TAF15: variants seen among roughly 807,000 people sequenced by gnomAD.
The protein encoded by TAF15 is TATA-binding protein-associated factor 2N.
TAF15 carries 37 observed loss-of-function variants against 102.5 expected under a neutral mutation model. The observed-to-expected ratio is 0.36, with a 90% CI of 0.28 to 0.47. TAF15 has a LOEUF of 0.47. Among genes scored for constraint, TAF15 ranks in the 20% least tolerant of loss-of-function variants. TAF15 has a pLI of 0.99. For missense variants in TAF15, 652 were observed against 760.7 expected (o/e 0.86, Z 1.68); for synonymous variants, 273 against 259.2 (o/e 1.05, Z -0.51).
At chr17:35,813,471 C>T (rs2143736060) in intron 1 of TAF15, among the ~76,000 whole-genome samples, 1 of 152,066 alleles carries the variant, frequency 6.6e-6, no homozygotes, top group East Asian at 1.9e-4. Context: ...CCCATCTCTA[C>T]AAAATACAAA....
chr17:35,844,844 T>C lies in TAF15; in HGVS notation c.1545T>C (p.Tyr515=), dbSNP rs544282921. The C allele has an allele frequency of 2.6e-5, 41 of 1,599,886 alleles. No individual in the cohort carries two copies. Among genetic ancestry groups the C allele is most frequent in the South Asian group, 1.1e-4 (10 of 90,526 alleles). The change falls in exon 15 of 16, where the codon TAT becomes TAC. Residue 515 remains tyrosine, a synonymous_variant. Transcript: ENST00000605844. ...GTTACGGAGGAGATCGAGGAGGTTA[T>C]GGAGGAGATCGAGGAGGCTATGGAG... ...RGGYGGDRGG[Y]GGDRGGYGGD...
At chr17:35,816,441 G>A (rs1016129384) in intron 1 of TAF15, among the ~76,000 whole-genome samples, 1 of 152,116 alleles carries the variant, frequency 6.6e-6, no homozygotes, top group Non-Finnish European at 1.5e-5. Context: ...GAGCTGTGAT[G>A]GCACCACTGC....
intron 7 of TAF15, among the ~76,000 whole-genome samples, chr17:35,832,635 G>A (rs1431365616): frequency 6.6e-6 from 1 of 152,054 alleles, no homozygotes; most frequent in African/African-American, 2.4e-5. Flanking sequence ...AGATTCTTGG[G>A]TTATAATAGA....
At chr17:35,826,002 T>G (rs531053608) in intron 7 of TAF15, among the ~76,000 whole-genome samples, 1 of 152,262 alleles carries the variant, frequency 6.6e-6, no homozygotes, top group East Asian at 1.9e-4. Flanking sequence ...TGACTCATCT[T>G]GTAACTAGAG....
rs560641478 is a variant in TAF15, at chr17:35,844,706, C to T, written c.1407C>T (p.Gly469=). The part of the protein sequence containing the change: ...RGGGYGGDRG[G]GYGGDRGGGY... Reference sequence around the variant, plus strand: ...GCGGCTATGGTGGGGACAGAGGAGGCGGCTATGGAGGAGACCGAGGAGGTG... The same window carrying T: ...GCGGCTATGGTGGGGACAGAGGAGGTGGCTATGGAGGAGACCGAGGAGGTG... Residue 469 remains glycine, a synonymous_variant, in exon 15 of 16, where the codon GGC becomes GGT. Transcript: ENST00000605844. 45 of 1,605,512 alleles carry T rather than the reference C, an allele frequency of 2.8e-5. No homozygotes were observed. Among genetic ancestry groups the T allele is most frequent in the Middle Eastern group, 1.8e-4 (1 of 5,672 alleles).
chr17:35,826,381 T>C lies in TAF15; in HGVS notation c.605+2183T>C, dbSNP rs573444854. Among the ~76,000 whole-genome samples, 5 of 152,238 alleles carry C rather than the reference T, an allele frequency of 3.3e-5. No homozygotes were observed. The South Asian group carries it at 1.0e-3, about 32-fold the overall frequency. Reference sequence around the variant, plus strand: ...TACTCTTTATATTGAGTTGGCAAGCTGTGTGAAAGGCCAGATAGTAAATGT... The same window carrying C: ...TACTCTTTATATTGAGTTGGCAAGCCGTGTGAAAGGCCAGATAGTAAATGT... On this transcript the variant is annotated intron_variant, in intron 7 of 15. Transcript: ENST00000605844.
Position 35,844,349 on chromosome 17 carries a change from C to A in TAF15, c.1158C>A (p.Asp386Glu). The A allele has an allele frequency of 6.2e-7, 1 of 1,614,234 alleles. No homozygotes were observed. The highest frequency in any genetic ancestry group is 8.5e-7 in the Non-Finnish European group (1 of 1,180,038). Residue 386 changes from aspartate (D) to glutamate (E), a missense_variant, in exon 14 of 16, where the codon GAC becomes GAA. Coordinates refer to ENST00000605844, the MANE Select transcript of TAF15 (RefSeq NM_139215.3). ...CNQCNEPRPEDSRPSGGDFRG... is the reference protein window; with the variant it reads ...CNQCNEPRPEESRPSGGDFRG... ...AGTGCAATGAGCCTAGACCAGAGGA[C>A]TCTCGTCCCTCAGGAGGAGGTGGGT...
chr17:35,838,571 A>G lies in TAF15; in HGVS notation c.913+18A>G. On this transcript the variant is annotated intron_variant, in intron 11 of 15. Transcript: ENST00000605844. ...GTTTGATGGTATGCCTCATTCGTAT[A>G]GTTTTCAGCATGAAGTTGGATAAAT... The G allele has an allele frequency of 6.2e-7, 1 of 1,613,410 alleles. No homozygotes were observed.
chr17:35,840,363 TGCCTCA>T (rs1178637572), intron 11 of TAF15, among the ~76,000 whole-genome samples: 2 of 148,882 alleles, frequency 1.3e-5, no homozygotes, highest in East Asian at 4.1e-4. Context: ...GCCATTCTCC[TGCCTCA>T]GCCTCCCGAG....
intron 15 of TAF15, 114 bp downstream of exon 15, chr17:35,845,152 C>G (rs973359506): frequency 2.2e-6 from 3 of 1,334,792 alleles, no homozygotes; most frequent in Non-Finnish European, 3.2e-6. Context: ...CCAGTTCTCT[C>G]AGGATGGAGA....
chr17:35,835,781 T>TA (rs1321096639), intron 9 of TAF15, among the ~76,000 whole-genome samples: 2 of 152,236 alleles, frequency 1.3e-5, no homozygotes, highest in Admixed American at 1.3e-4. Flanking sequence ...CGTAAAGAAT[T>TA]AGAGTTCTCC....
rs905000196 is a variant in TAF15 at position 35,812,686 on chromosome 17, T to C, written c.7+3110T>C. On this transcript the variant is annotated intron_variant, in intron 1 of 15. Transcript: ENST00000605844. ...GATAAAGCAAGCCTTGCAAAAGATA[T>C]GTTCATAGTAAATTGCAGAGCTTTA... is the stretch of plus-strand genomic sequence containing the variant. Among the ~76,000 whole-genome samples the C allele has an allele frequency of 4.0e-5, 6 of 151,532 alleles. No individual in the cohort carries two copies. The South Asian group carries it at 1.0e-3, about 26-fold the overall frequency.
At chr17:35,832,478 G>C (rs1274120677) in intron 7 of TAF15, among the ~76,000 whole-genome samples, 2 of 152,006 alleles carry the variant, frequency 1.3e-5, no homozygotes, top group Admixed American at 1.3e-4. Flanking sequence ...TTTTTTTTCA[G>C]AGTGTTTTAT....
At chr17:35,838,839 T>C (rs1183262490) in intron 11 of TAF15, among the ~76,000 whole-genome samples, 1 of 152,182 alleles carries the variant, frequency 6.6e-6, no homozygotes, top group African/African-American at 2.4e-5. Context: ...AAAAATAAAT[T>C]TAAAAGGTAC....
intron 1 of TAF15, chr17:35,810,981 G>C (rs1364629703): frequency 6.6e-6 from 1 of 152,076 alleles, no homozygotes; most frequent in African/African-American, 2.4e-5. Context: ...GTAGACATTG[G>C]TACATCTTTT....
At chr17:35,845,198 T>C (rs1050479372) in intron 15 of TAF15, among the ~76,000 whole-genome samples, 160 bp downstream of exon 15, 3 of 152,174 alleles carry the variant, frequency 2.0e-5, no homozygotes, top group Non-Finnish European at 4.4e-5. Flanking sequence ...ATTTCTAAAA[T>C]TTTGTTTTGG....
chr17:35,829,215 T>C (rs927089047), intron 7 of TAF15, among the ~76,000 whole-genome samples: 23 of 152,206 alleles, frequency 1.5e-4, no homozygotes, highest in Non-Finnish European at 2.5e-4. Context: ...AAGTCCTTTC[T>C]CTCTAGTTAG....
At chr17:35,813,117 C>CAAAAA (rs55754009) in intron 1 of TAF15, among the ~76,000 whole-genome samples, 3 of 58,930 alleles carry the variant, frequency 5.1e-5, no homozygotes, top group African/African-American at 1.0e-4. Context: ...GACTCTGTCT[C>CAAAAA]AAAAAAAAAA....
intron 7 of TAF15, among the ~76,000 whole-genome samples, chr17:35,829,608 G>C (rs1197615010): frequency 1.5e-5 from 2 of 135,176 alleles, no homozygotes; most frequent in East Asian, 4.5e-4. Flanking sequence ...CTCTGGCCTG[G>C]GAGACAGAGC....
Sources: gnomAD v4.1 joint callset for allele counts (sites outside exome capture counted in the v4.1 genomes callset) on GRCh38, gnomAD v4.1.1 for gene constraint, MANE v1.5 for transcripts, NCBI Gene and HGNC (gene_info 2026-07-23, HGNC 2026-07-21) for gene names.